Variants in XKR6 observed in about 807,000 individuals in gnomAD.
XKR6 encodes the protein XK related 6, also known as XK-related protein 6.
XKR6 carries 22 observed loss-of-function variants against 56.7 expected under a neutral mutation model. The ratio of observed to expected loss-of-function variants is 0.39; its 90% CI spans 0.28 to 0.55. The LOEUF (loss-of-function observed/expected upper bound fraction) is 0.55, where lower values mean the gene tolerates loss of function less well. XKR6 is among the 20% of genes least tolerant of loss of function. The pLI is 0.66. For missense variants in XKR6, 852 were observed against 889.0 expected, an observed-to-expected ratio of 0.96 and a Z score of 0.53; for synonymous variants, 524 against 387.8, an observed-to-expected ratio of 1.35 and a Z score of -4.13.
chr8:11,060,170 G>C (rs972873400), intron 1 of XKR6, among the ~76,000 whole-genome samples: 5 of 152,190 alleles, frequency 3.3e-5, no homozygotes, highest in Non-Finnish European at 1.5e-5. Flanking sequence ...CGGAGATAAA[G>C]AGAACCCCAA....
intron 1 of XKR6, among the ~76,000 whole-genome samples, chr8:10,983,662 GTT>G (rs58543763): frequency 1.4e-5 from 2 of 145,092 alleles, no homozygotes; most frequent in Admixed American, 6.9e-5. Flanking sequence ...TCTTTTTTTT[GTT>G]TTTTTTTTTG....
chr8:10,943,692 G>A (rs917882267), intron 1 of XKR6, among the ~76,000 whole-genome samples: 19 of 152,246 alleles, frequency 1.2e-4, no homozygotes, highest in Admixed American at 7.8e-4. Flanking sequence ...CCTTACGATC[G>A]TCCTCAGATG....
rs1359396406 is a variant in XKR6 at position 11,170,636 on chromosome 8, G to A, written c.764+29940C>T. Among the ~76,000 whole-genome samples, 5 of 152,202 alleles carry A rather than the reference G, an allele frequency of 3.3e-5. No individual in the cohort carries two copies. The East Asian group carries it at 9.6e-4, about 29-fold the overall frequency. ...AATTAGCACATTTGTGGTAATCGTT[G>A]CACAACTCTGTGAAGATACAAAAAA... On this transcript the variant is annotated intron_variant, in intron 1 of 2. Transcript: ENST00000416569.
intron 1 of XKR6, among the ~76,000 whole-genome samples, chr8:11,179,500 C>G (rs1431823377): frequency 6.6e-6 from 1 of 152,190 alleles, no homozygotes; most frequent in Non-Finnish European, 1.5e-5. Context: ...CCCTGATATG[C>G]ACATGTGTGT....
At chr8:11,196,020 C>T (rs568627438) in intron 1 of XKR6, among the ~76,000 whole-genome samples, 67 of 151,034 alleles carry the variant, frequency 4.4e-4, no homozygotes, top group Admixed American at 1.3e-3. Flanking sequence ...ATATAAAGTA[C>T]ACTCTCTCTC....
chr8:11,145,278 A>G (rs1288099995), intron 1 of XKR6, among the ~76,000 whole-genome samples: 2 of 152,170 alleles, frequency 1.3e-5, no homozygotes, highest in Non-Finnish European at 2.9e-5. Flanking sequence ...AAAATCCAAA[A>G]ACACTTCTGG....
chr8:10,928,728 G>A (rs960558500), intron 1 of XKR6, among the ~76,000 whole-genome samples: 1 of 152,190 alleles, frequency 6.6e-6, no homozygotes, highest in African/African-American at 2.4e-5. Flanking sequence ...CGCTCCGAGG[G>A]GGGAACCAAG....
intron 1 of XKR6, among the ~76,000 whole-genome samples, chr8:11,141,996 A>AT (rs982465890): frequency 6.7e-6 from 1 of 148,516 alleles, no homozygotes; most frequent in Admixed American, 6.8e-5. Flanking sequence ...AGATTTGTCC[A>AT]TTTTTTTCTG....
chr8:10,974,761 G>A lies in XKR6; in HGVS notation c.765-49931C>T, dbSNP rs1802503663. On this transcript the variant is annotated intron_variant, in intron 1 of 2. Transcript: ENST00000416569. Reference sequence around the variant, plus strand: ...TGCTTCCATAGAAAAAGATGCCAATGTGGCAAGTAGTGAAGGAAGCGCACA... The same window carrying A: ...TGCTTCCATAGAAAAAGATGCCAATATGGCAAGTAGTGAAGGAAGCGCACA... Among the ~76,000 whole-genome samples, 3 of 152,196 alleles carry A rather than the reference G, an allele frequency of 2.0e-5. No homozygotes were observed. In the South Asian group the frequency reaches 6.2e-4, roughly 32 times the overall value.
At position 10,897,565 on chromosome 8, in the gene XKR6, G is replaced by A. The variant is rs997373389; in HGVS notation, c.*387C>T. 4.3e-5 allele frequency: 7 copies of A among 161,064 alleles called. No homozygotes were observed. Among genetic ancestry groups the A allele is most frequent in the African/African-American group, 1.7e-4 (7 of 41,238 alleles). The allele number at this position is 161,064 out of a possible 1,614,324, so 10.0% of individuals were successfully genotyped here. ...TTCAATCAGCACCAATCCCATAAAT[G>A]ATCTACACTTGGTGTAAGGTAAAAA... On this transcript the variant is annotated 3_prime_UTR_variant, in exon 3 of 3. Coordinates refer to ENST00000416569, the MANE Select transcript of XKR6 (RefSeq NM_173683.4).
chr8:10,960,161 C>A (rs553801314), intron 1 of XKR6, among the ~76,000 whole-genome samples: 4 of 151,610 alleles, frequency 2.6e-5, no homozygotes, highest in African/African-American at 9.8e-5. Context: ...TTAGTTCAGA[C>A]ACAGCAGGTG....
intron 1 of XKR6, among the ~76,000 whole-genome samples, chr8:11,152,558 C>T (rs914025607): frequency 2.0e-5 from 3 of 152,134 alleles, no homozygotes; most frequent in African/African-American, 7.2e-5. Context: ...ATGTCTTGCC[C>T]CTGAAGAACT....
chr8:11,119,511 T>C (rs917468618), intron 1 of XKR6, among the ~76,000 whole-genome samples: 3 of 152,244 alleles, frequency 2.0e-5, no homozygotes, highest in Admixed American at 2.0e-4. Context: ...GGTGCACATA[T>C]ATTTAGGACA....
intron 1 of XKR6, among the ~76,000 whole-genome samples, chr8:11,127,868 C>A (rs143276164): frequency 6.6e-6 from 1 of 152,138 alleles, no homozygotes; most frequent in Non-Finnish European, 1.5e-5. Context: ...ACTGATTTGA[C>A]GTTAACCAGT....
rs143367551 is a variant in XKR6, at chr8:11,149,040, A to G, written c.764+51536T>C. 5.9e-3 allele frequency among the ~76,000 whole-genome samples: 899 copies of G among 152,350 alleles called. 11 individuals carry two copies. The highest frequency in any genetic ancestry group is 0.021 in the African/African-American group (867 of 41,590). On this transcript the variant is annotated intron_variant, in intron 1 of 2. Transcript: ENST00000416569. ...GACAGGGAGGGGATTACAAAGGCAC[A>G]TAAGGAAACTGTGGGGGTCTCAGGA...
At chr8:10,997,684 C>T in intron 1 of XKR6, among the ~76,000 whole-genome samples, 1 of 152,110 alleles carries the variant, frequency 6.6e-6, no homozygotes, top group East Asian at 1.9e-4. Context: ...TGCAATGAGG[C>T]TAAAGTGGGA....
intron 1 of XKR6, among the ~76,000 whole-genome samples, chr8:11,056,055 C>T (rs995125851): frequency 1.3e-5 from 2 of 152,294 alleles, no homozygotes; most frequent in East Asian, 1.9e-4. Context: ...TTCTCACCGG[C>T]GCCCCCTGCT....
intron 1 of XKR6, among the ~76,000 whole-genome samples, chr8:11,018,871 T>A (rs1798685997): frequency 6.6e-6 from 1 of 152,110 alleles, no homozygotes; most frequent in Admixed American, 6.5e-5. Context: ...CCTGTCCCAC[T>A]CTGCATGCCA....
Position 11,190,788 on chromosome 8 carries a change from G to T in XKR6, c.764+9788C>A, listed in dbSNP as rs1563207225. 2.6e-5 allele frequency among the ~76,000 whole-genome samples: 4 copies of T among 152,222 alleles called. No homozygotes were observed. In the South Asian group the frequency reaches 8.3e-4, roughly 32 times the overall value. On this transcript the variant is annotated intron_variant, in intron 1 of 2. Transcript: ENST00000416569. Reference sequence around the variant, plus strand: ...CCCGCCCACAGCTCTGTGAGCTCTGGCTTCAAAAGTTTCCTCCACCAGTGC... The same window carrying T: ...CCCGCCCACAGCTCTGTGAGCTCTGTCTTCAAAAGTTTCCTCCACCAGTGC...
Sources: allele counts gnomAD v4.1 joint callset (sites outside exome capture counted in the v4.1 genomes callset), GRCh38; gene constraint gnomAD v4.1.1; transcripts MANE v1.5; gene names NCBI Gene and HGNC (gene_info 2026-07-23, HGNC 2026-07-21).